Variants in PUDP observed in about 807,000 individuals in gnomAD.
PUDP encodes pseudouridine-5'-phosphatase.
PUDP carries 8 observed loss-of-function variants against 9.4 expected under a neutral mutation model. That is an observed-to-expected ratio of 0.85 (90% CI 0.50 to 1.53). The LOEUF (loss-of-function observed/expected upper bound fraction) is 1.53. Among genes scored for constraint, PUDP ranks in the 40% most tolerant of loss-of-function variants. PUDP has a pLI of 0.00. For missense variants in PUDP, 188 were observed against 189.7 expected (o/e 0.99, Z 0.05); for synonymous variants, 99 against 80.7 (o/e 1.23, Z -1.22).
In PUDP at chrX:7,077,298, T is replaced by C; in HGVS notation, c.432A>G (p.Glu144=). The change falls in exon 3 of 4, where the codon GAA becomes GAG. Residue 144 remains glutamate, a synonymous_variant. Coordinates refer to ENST00000381077, the MANE Select transcript of PUDP (RefSeq NM_012080.5). ...CCGGGTCTGGCTTGCCATGCTGCAC[T>C]TCGGGGTCATCTCCCAGCACAATGT... The part of the protein sequence containing the change: ...FSHIVLGDDP[E]VQHGKPDPDI... The C allele has an allele frequency of 8.3e-7, 1 of 1,209,553 alleles. No individual in the cohort carries two copies. The highest frequency in any genetic ancestry group is 1.1e-6 in the Non-Finnish European group (1 of 894,499).
intron 3 of PUDP, among the ~76,000 whole-genome samples, chrX:6,749,144 C>T (rs1431219210): frequency 8.9e-6 from 1 of 111,779 alleles, no homozygotes; most frequent in Admixed American, 9.5e-5. Flanking sequence ...TTTCTCTGTG[C>T]ATTAGAAAGA....
chrX:6,980,688 ATGAT>A (rs1314060268), intron 1 of PUDP, among the ~76,000 whole-genome samples: 1 of 111,097 alleles, frequency 9.0e-6, no homozygotes, highest in Non-Finnish European at 1.9e-5. Context: ...AACAACAAGA[ATGAT>A]TATGTCTGTA....
intron 3 of PUDP, among the ~76,000 whole-genome samples, chrX:6,955,365 T>G (rs983195351): frequency 1.8e-5 from 2 of 110,726 alleles, no homozygotes; most frequent in African/African-American, 6.6e-5. Context: ...GGACTACAGG[T>G]GCATGCCACC....
rs781571930 is a variant in PUDP, at chrX:7,105,669, T to G, written c.231A>C (p.Glu77Asp). 8.3e-7 allele frequency: 1 copy of G among 1,210,429 alleles called. No individual in the cohort carries two copies. The change falls in exon 2 of 4, where the codon GAA becomes GAC. Residue 77 changes from glutamate (E) to aspartate (D), a missense_variant. Transcript: ENST00000381077. ...ACACTTCCTTTAACTTCGTTTGGCT[T>G]TCTTCCACCAGCTCCTCTTTGGACA... ...LPMSKEELVEESQTKLKEVFP... is the reference protein window; with the variant it reads ...LPMSKEELVEDSQTKLKEVFP...
At chrX:6,872,626 G>A (rs188492510) in intron 3 of PUDP, among the ~76,000 whole-genome samples, 1 of 106,109 alleles carries the variant, frequency 9.4e-6, no homozygotes, top group African/African-American at 3.5e-5. Flanking sequence ...TTGAATCCAG[G>A]AGGCGGAGGT....
exon 3 of PUDP, among the ~76,000 whole-genome samples, chrX:6,977,237 C>T (rs1386827091): frequency 9.0e-6 from 1 of 111,628 alleles, no homozygotes; most frequent in East Asian, 2.8e-4. Context: ...GAGACTGCCG[C>T]CTTACCTTAG....
chrX:6,765,744 G>A (rs1400276031), intron 3 of PUDP, among the ~76,000 whole-genome samples: 1 of 111,756 alleles, frequency 8.9e-6, no homozygotes, highest in Non-Finnish European at 1.9e-5. Flanking sequence ...AATGTGAGCT[G>A]TAATTAACAA....
At chrX:7,024,462 T>C (rs1335950064) in intron 1 of PUDP, among the ~76,000 whole-genome samples, 1 of 111,634 alleles carries the variant, frequency 9.0e-6, no homozygotes, top group Non-Finnish European at 1.9e-5. Context: ...TTTTTGTTTT[T>C]GTTTTTTCGT....
chrX:6,751,873 G>A (rs1189303628), intron 3 of PUDP, among the ~76,000 whole-genome samples: 2 of 111,008 alleles, frequency 1.8e-5, no homozygotes, highest in Non-Finnish European at 3.8e-5. Flanking sequence ...GCAGTTTTGA[G>A]AAGTCAGAAT....
At chrX:6,918,122 G>A (rs1927963221) in intron 3 of PUDP, among the ~76,000 whole-genome samples, 1 of 112,081 alleles carries the variant, frequency 8.9e-6, no homozygotes, top group Admixed American at 9.5e-5. Flanking sequence ...TATGTATGAT[G>A]CCTGAGATAC....
chrX:6,883,012 GCCTT>G (rs1927371344), intron 3 of PUDP, among the ~76,000 whole-genome samples: 2 of 111,649 alleles, frequency 1.8e-5, no homozygotes, highest in Non-Finnish European at 3.8e-5. Flanking sequence ...CCTTCTGGAA[GCCTT>G]GGTTTCTCTG....
chrX:6,731,029 G>T (rs1924801777), intron 3 of PUDP, among the ~76,000 whole-genome samples: 1 of 109,590 alleles, frequency 9.1e-6, no homozygotes, highest in Non-Finnish European at 1.9e-5. Flanking sequence ...AACATCTATA[G>T]TCCAAACCCT....
chrX:6,728,716 G>A (rs960223431), intron 3 of PUDP, among the ~76,000 whole-genome samples: 12 of 111,560 alleles, frequency 1.1e-4, no homozygotes, highest in African/African-American at 3.3e-4. Context: ...CTTTCCCTCC[G>A]TTAGCATCTT....
In PUDP at chrX:6,832,601, A is replaced by G. The variant is rs1257144090; in HGVS notation, c.*248-126135T>C. Among the ~76,000 whole-genome samples the G allele has an allele frequency of 2.7e-5, 3 of 112,102 alleles. No homozygotes were observed. The East Asian group carries it at 8.4e-4, about 32-fold the overall frequency. On this transcript the variant is annotated intron_variant and NMD_transcript_variant, in intron 3 of 3. Coordinates refer to the PUDP transcript ENST00000655425. ...GAATTCCTGAATCTTGAAGCACAAGAGCTAACTGTGAAAGAGATAGGATGG... is the reference window on the plus strand; with the variant it reads ...GAATTCCTGAATCTTGAAGCACAAGGGCTAACTGTGAAAGAGATAGGATGG...
chrX:6,884,134 C>G (rs1041338061), intron 3 of PUDP, among the ~76,000 whole-genome samples: 2 of 112,319 alleles, frequency 1.8e-5, no homozygotes, highest in East Asian at 5.6e-4. Flanking sequence ...GCCACCGTGC[C>G]GGGCCTTAAT....
intron 3 of PUDP, among the ~76,000 whole-genome samples, chrX:6,861,915 C>T (rs1927007721): frequency 9.0e-6 from 1 of 111,345 alleles, no homozygotes; most frequent in Admixed American, 9.5e-5. Context: ...TTTTGACCCA[C>T]GTGCCGCTGA....
intron 1 of PUDP, among the ~76,000 whole-genome samples, chrX:6,710,422 C>T (rs754233852): frequency 9.0e-6 from 1 of 111,441 alleles, no homozygotes; most frequent in Admixed American, 9.6e-5. Flanking sequence ...ACTCCATTCC[C>T]AGAGTTAAAT....
chrX:6,845,512 GT>G (rs1369191165), intron 3 of PUDP, among the ~76,000 whole-genome samples: 1 of 111,885 alleles, frequency 8.9e-6, no homozygotes, highest in Non-Finnish European at 1.9e-5. Flanking sequence ...GCAGACCAAT[GT>G]TTCAAGTCCT....
chrX:7,109,831 T>G, intron 1 of PUDP, among the ~76,000 whole-genome samples: 1 of 113,102 alleles, frequency 8.8e-6, no homozygotes, highest in South Asian at 3.6e-4. Flanking sequence ...TATTCTTCCC[T>G]GCTTACTAAC....
Sources: allele counts gnomAD v4.1 joint callset (sites outside exome capture counted in the v4.1 genomes callset), GRCh38; gene constraint gnomAD v4.1.1; transcripts MANE v1.5; gene names NCBI Gene and HGNC (gene_info 2026-07-23, HGNC 2026-07-21).